TENM2: variants seen among roughly 807,000 people sequenced by gnomAD.
TENM2 encodes teneurin transmembrane protein 2, also known as teneurin-2.
A neutral mutation model predicts 245.2 loss-of-function variants in TENM2; 52 were observed. The observed-to-expected ratio is 0.21, with a 90% CI of 0.17 to 0.27. TENM2 has a LOEUF of 0.27. TENM2 is among the 10% of genes least tolerant of loss of function. TENM2 has a pLI of 1.00. For synonymous variants in TENM2, 1,363 were observed against 1,438.9 expected (o/e 0.95, Z 1.19); for missense variants, 3,046 against 3,666.8 (o/e 0.83, Z 4.37).
chr5:167,482,507 A>G (rs1334708232), intron 2 of TENM2, among the ~76,000 whole-genome samples: 1 of 152,146 alleles, frequency 6.6e-6, no homozygotes, highest in Non-Finnish European at 1.5e-5. Context: ...TTTTTACAGA[A>G]TTCTTTTAAA....
At chr5:167,515,015 GCAAA>G (rs1270299433) in intron 2 of TENM2, among the ~76,000 whole-genome samples, 1 of 151,768 alleles carries the variant, frequency 6.6e-6, no homozygotes, top group East Asian at 1.9e-4. Flanking sequence ...CATCTCAAAA[GCAAA>G]CAAACAAACA....
chr5:168,045,451 C>T (rs180773113), intron 5 of TENM2, among the ~76,000 whole-genome samples: 11 of 152,274 alleles, frequency 7.2e-5, no homozygotes, highest in African/African-American at 2.2e-4. Flanking sequence ...ATATGTTCTG[C>T]ACCTTACAGT....
At chr5:167,932,345 T>C (rs1252902721) in intron 3 of TENM2, among the ~76,000 whole-genome samples, 2 of 152,180 alleles carry the variant, frequency 1.3e-5, no homozygotes, top group East Asian at 1.9e-4. Context: ...TATTTGCTCA[T>C]GGTAGCTGTC....
At chr5:167,504,695 G>A (rs892162202) in intron 2 of TENM2, among the ~76,000 whole-genome samples, 4 of 152,142 alleles carry the variant, frequency 2.6e-5, no homozygotes, top group African/African-American at 4.8e-5. Context: ...TATGTCCCTC[G>A]ACAGTATTGA....
intron 11 of TENM2, among the ~76,000 whole-genome samples, chr5:168,125,720 G>T (rs1452775359): frequency 6.6e-5 from 10 of 151,768 alleles, no homozygotes; most frequent in Non-Finnish European, 1.0e-4. Context: ...TGCCTACAAT[G>T]GGAAAGAAAT....
chr5:167,021,513 C>T, the TENM2 span, among the ~76,000 whole-genome samples: 5 of 152,310 alleles, frequency 3.3e-5, no homozygotes, highest in South Asian at 2.1e-4. Flanking sequence ...CTCTCACCTT[C>T]GTGTTGTAGT....
At chr5:167,956,976 G>T (rs1480559976) in intron 4 of TENM2, among the ~76,000 whole-genome samples, 1 of 152,124 alleles carries the variant, frequency 6.6e-6, no homozygotes, top group Non-Finnish European at 1.5e-5. Flanking sequence ...TCAGGATGAT[G>T]CTGGCCTCAT....
chr5:167,059,853 G>T, the TENM2 span, among the ~76,000 whole-genome samples: 1 of 151,912 alleles, frequency 6.6e-6, no homozygotes, highest in Non-Finnish European at 1.5e-5. Context: ...ACAGGTGGCT[G>T]CCACCACACC....
At chr5:167,425,982 T>C (rs927691759) in intron 2 of TENM2, among the ~76,000 whole-genome samples, 4 of 152,314 alleles carry the variant, frequency 2.6e-5, no homozygotes, top group African/African-American at 9.6e-5. Flanking sequence ...GGGAATATTT[T>C]GTGAGTAAGG....
chr5:167,383,973 T>TTA, intron 2 of TENM2, among the ~76,000 whole-genome samples: 1 of 152,322 alleles, frequency 6.6e-6, no homozygotes, highest in Admixed American at 6.5e-5. Flanking sequence ...CCAGGTCTAA[T>TTA]TAAGCCTAAG....
At chr5:168,019,790 G>T (rs1785981106) in intron 5 of TENM2, among the ~76,000 whole-genome samples, 2 of 152,192 alleles carry the variant, frequency 1.3e-5, no homozygotes, top group Admixed American at 1.3e-4. Context: ...CAGCAGAATT[G>T]GGTTTAATAA....
At chr5:168,238,692 G>C (rs770309320) in intron 25 of TENM2, among the ~76,000 whole-genome samples, 13 of 152,154 alleles carry the variant, frequency 8.5e-5, no homozygotes, top group Non-Finnish European at 1.6e-4. Flanking sequence ...TTTTCTCCAG[G>C]TTTTTTATGA....
intron 23 of TENM2, among the ~76,000 whole-genome samples, chr5:168,223,031 G>T (rs972738803): frequency 3.3e-5 from 5 of 152,174 alleles, no homozygotes; most frequent in Admixed American, 6.5e-5. Flanking sequence ...AACTTACAGC[G>T]CTTCACTCCT....
intron 2 of TENM2, among the ~76,000 whole-genome samples, chr5:167,431,961 GTATATATA>G (rs112010521): frequency 2.3e-5 from 1 of 43,602 alleles, no homozygotes; most frequent in South Asian, 6.2e-4. Flanking sequence ...ATATATATAT[GTATATATA>G]TATATATATG....
At chr5:167,113,762 G>T in the TENM2 span, among the ~76,000 whole-genome samples, 2 of 151,914 alleles carry the variant, frequency 1.3e-5, no homozygotes, top group Non-Finnish European at 2.9e-5. Flanking sequence ...CAATACATAT[G>T]CATAGAAAAT....
chr5:167,881,624 A>C (rs1773886634), intron 3 of TENM2, among the ~76,000 whole-genome samples: 1 of 152,152 alleles, frequency 6.6e-6, no homozygotes, highest in Admixed American at 6.5e-5. Context: ...TTCTTCCCCA[A>C]GTCCCTTGGA....
rs1766359556 is a variant in TENM2 at position 168,244,338 on chromosome 5, A to C, written c.5521-82A>C. ...TCCAGTGAACACTTAAGCCCTGGCC[A>C]TGCCAGCCATGTCCTCCACAGAAGC... On this transcript the variant is annotated intron_variant, in intron 25 of 28. Coordinates refer to ENST00000518659, the Ensembl canonical transcript of TENM2. The surrounding 1 kb of genome is among the most constrained non-coding windows in gnomAD (Gnocchi z 4.9). The C allele has an allele frequency of 8.3e-7, 1 of 1,198,256 alleles. No individual in the cohort carries two copies. Among genetic ancestry groups the C allele is most frequent in the Admixed American group, 3.2e-5 (1 of 31,642 alleles). The allele number at this position is 1,198,256 out of a possible 1,614,324, so 74.2% of individuals were successfully genotyped here.
exon 12 of TENM2, chr5:168,126,960 G>A (rs376627738): frequency 4.1e-5 from 65 of 1,602,830 alleles, no homozygotes; most frequent in Admixed American, 2.2e-4. Context: ...GGCAGGCACC[G>A]AAACAGGCAC....
At chr5:166,997,025 C>G in the TENM2 span, among the ~76,000 whole-genome samples, 1 of 152,230 alleles carries the variant, frequency 6.6e-6, no homozygotes, top group African/African-American at 2.4e-5. Context: ...TTGATTCCCC[C>G]TTACCTATGG....
Sources: gnomAD v4.1 joint callset for allele counts (sites outside exome capture counted in the v4.1 genomes callset) on GRCh38, gnomAD v4.1.1 for gene constraint, Gnocchi (gnomAD v3.1) non-coding constraint, MANE v1.5 for transcripts, NCBI Gene and HGNC (gene_info 2026-07-23, HGNC 2026-07-21) for gene names.